The following SERINC1 variants were observed in gnomAD, a reference collection of about 807,000 sequenced individuals.
SERINC1 encodes tumor differentially expressed protein 2.
A neutral mutation model predicts 52.9 loss-of-function variants in SERINC1; 38 were observed. That is an observed-to-expected ratio of 0.72 (90% CI 0.55 to 0.94). The LOEUF is 0.94. SERINC1 is among the 40% of genes least tolerant of loss of function. The pLI is 0.00. For missense variants in SERINC1, 471 were observed against 533.9 expected, an observed-to-expected ratio of 0.88 and a Z score of 1.16; for synonymous variants, 198 against 183.1, an observed-to-expected ratio of 1.08 and a Z score of -0.66.
intron 1 of SERINC1, among the ~76,000 whole-genome samples, chr6:122,469,157 C>T (rs1775232893): frequency 6.6e-6 from 1 of 152,158 alleles, no homozygotes; most frequent in African/African-American, 2.4e-5. Context: ...CAATTTAACA[C>T]TCCAATTTCT....
chr6:122,458,787 G>A, intron 1 of SERINC1, 106 bp from the exon 2 acceptor site: 1 of 809,246 alleles, frequency 1.2e-6, no homozygotes, highest in Non-Finnish European at 1.9e-6. Flanking sequence ...AAAGAAAAAA[G>A]ACTAAAAGTA....
chr6:122,445,509 A>C (rs1774775180), intron 9 of SERINC1, among the ~76,000 whole-genome samples: 3 of 152,128 alleles, frequency 2.0e-5, no homozygotes, highest in Admixed American at 1.3e-4. Flanking sequence ...CTATTACATA[A>C]GATTGTTCAA....
At chr6:122,468,467 C>T (rs766151817) in intron 1 of SERINC1, among the ~76,000 whole-genome samples, 3 of 152,170 alleles carry the variant, frequency 2.0e-5, no homozygotes, top group Non-Finnish European at 4.4e-5. Context: ...AAAATCACTG[C>T]TATGGAAACA....
At chr6:122,450,092 T>A (rs1774878780) in intron 7 of SERINC1, among the ~76,000 whole-genome samples, 1 of 152,184 alleles carries the variant, frequency 6.6e-6, no homozygotes, top group Admixed American at 6.5e-5. Flanking sequence ...AGACTTCTAT[T>A]GTAAGAAGAT....
intron 7 of SERINC1, 44 bp from the exon 8 acceptor site, chr6:122,447,309 GA>G: frequency 6.7e-7 from 1 of 1,500,750 alleles, no homozygotes; most frequent in Non-Finnish European, 9.2e-7. Context: ...ATATTAAAAA[GA>G]TGTTTTTCAG....
intron 1 of SERINC1, among the ~76,000 whole-genome samples, chr6:122,459,226 A>G (rs1446505140): frequency 6.6e-6 from 1 of 152,254 alleles, no homozygotes; most frequent in African/African-American, 2.4e-5. Context: ...GCTTTTCTCC[A>G]GTAACCACCA....
chr6:122,464,596 C>T (rs914214580), intron 1 of SERINC1, among the ~76,000 whole-genome samples: 3 of 152,124 alleles, frequency 2.0e-5, no homozygotes, highest in African/African-American at 7.2e-5. Context: ...GAAGGAAATT[C>T]GTATACTATA....
chr6:122,447,466 G>A (rs955938188), intron 7 of SERINC1, among the ~76,000 whole-genome samples: 2 of 152,124 alleles, frequency 1.3e-5, no homozygotes, highest in African/African-American at 2.4e-5. Context: ...TGATTTTATA[G>A]AAGTACCTGG....
At position 122,444,044 on chromosome 6, in the gene SERINC1, G is replaced by T. The variant is rs1774715327; in HGVS notation, c.*1000C>A. The T allele has an allele frequency of 6.6e-6, 1 of 152,120 alleles. No homozygotes were observed. The highest frequency in any genetic ancestry group is 2.1e-4 in the South Asian group (1 of 4,826). The allele number at this position is 152,120 out of a possible 1,614,324, so 9.4% of individuals were successfully genotyped here. A position where few individuals can be genotyped will look rare whatever the true frequency, so the allele number is the denominator to read the frequency against. Reference sequence around the variant, plus strand: ...TTGTCTTACTCTGTTGCCCAGGCTAGAGTGCAGTGACGTGACCTTGGCTCA... The same window carrying T: ...TTGTCTTACTCTGTTGCCCAGGCTATAGTGCAGTGACGTGACCTTGGCTCA... On this transcript the variant is annotated 3_prime_UTR_variant, in exon 10 of 10. Transcript: ENST00000339697.
Position 122,451,782 on chromosome 6 carries a change from T to A in SERINC1, c.760-28A>T, listed in dbSNP as rs758529571. 7.7e-3 allele frequency: 1,027 copies of A among 133,872 alleles called. 8 individuals carry two copies. Among genetic ancestry groups the A allele is most frequent in the East Asian group, 0.017 (92 of 5,460 alleles). The allele number at this position is 133,872 out of a possible 1,614,324, so 8.3% of individuals were successfully genotyped here. On this transcript the variant is annotated intron_variant, in intron 6 of 9. Transcript: ENST00000339697. ...ACAAAAAAAAAAAAAAAAAAATATA[T>A]ATATATATATATAGCAACACAGGTA...
chr6:122,449,950 G>A (rs1774875866), intron 7 of SERINC1, among the ~76,000 whole-genome samples: 1 of 152,176 alleles, frequency 6.6e-6, no homozygotes, highest in African/African-American at 2.4e-5. Context: ...GGAGACAGAA[G>A]TTGCAGTGAA....
At chr6:122,457,662 T>C (rs1314033611) in intron 2 of SERINC1, among the ~76,000 whole-genome samples, 1 of 152,086 alleles carries the variant, frequency 6.6e-6, no homozygotes, top group African/African-American at 2.4e-5. Context: ...AAACCAGGAA[T>C]AAGATCCTCA....
At chr6:122,453,945 G>A in intron 4 of SERINC1, 38 bp from the exon 5 acceptor site, 1 of 1,537,186 alleles carries the variant, frequency 6.5e-7, no homozygotes, top group Non-Finnish European at 8.7e-7. Context: ...TGATTGGTTA[G>A]TTTGATTTTT....
Position 122,469,385 on chromosome 6 carries a change from T to TG in SERINC1, c.39+2313_39+2314insC, listed in dbSNP as rs1476052870. On this transcript the variant is annotated intron_variant, in intron 1 of 9. Transcript: ENST00000339697. ...TTGTTCTGTTTTTTGTTTTTGTTTT[T>TG]TTTTTTTTTGACACAGAGTCTCACT... 3.1e-3 allele frequency among the ~76,000 whole-genome samples: 465 copies of TG among 151,502 alleles called. 2 individuals are homozygous for TG. Among genetic ancestry groups the TG allele is most frequent in the African/African-American group, 0.011 (442 of 41,386 alleles).
chr6:122,460,255 G>T (rs1775078533), intron 1 of SERINC1, among the ~76,000 whole-genome samples: 1 of 152,044 alleles, frequency 6.6e-6, no homozygotes, highest in Non-Finnish European at 1.5e-5. Flanking sequence ...GTATTTTTTT[G>T]TAGTTTTAGT....
chr6:122,456,497 C>T lies in SERINC1; in HGVS notation c.355G>A (p.Ala119Thr), dbSNP rs1459046145. ...AAAACTTACCCATTGTGCACTGCAG[C>T]TCTAGGATCACTGCTACTCTTCACT... ...IKVKSSSDPR[A>T]AVHNGFWFFK... is the part of the protein sequence containing the mutation. The change falls in exon 3 of 10, where the codon GCT becomes ACT. Residue 119 changes from alanine (A) to threonine (T), a missense_variant. Physicochemically the swap from Ala to Thr is moderately conservative, Grantham distance 58. Coordinates refer to ENST00000339697, the MANE Select transcript of SERINC1 (RefSeq NM_020755.4). The T allele has an allele frequency of 3.1e-6, 5 of 1,598,872 alleles. No homozygotes were observed. In the East Asian group the frequency reaches 1.1e-4, roughly 36 times the overall value.
intron 5 of SERINC1, among the ~76,000 whole-genome samples, chr6:122,452,718 G>T (rs1211565069): frequency 6.6e-6 from 1 of 152,166 alleles, no homozygotes; most frequent in African/African-American, 2.4e-5. Flanking sequence ...TGCATTCCAG[G>T]CCCTGGGGAT....
chr6:122,466,179 C>T (rs534028651), intron 1 of SERINC1, among the ~76,000 whole-genome samples: 1 of 152,224 alleles, frequency 6.6e-6, no homozygotes, highest in South Asian at 2.1e-4. Context: ...ACTTGGGAGG[C>T]GGAAGTTTCA....
chr6:122,460,816 C>T (rs1775088614), intron 1 of SERINC1, among the ~76,000 whole-genome samples: 1 of 152,094 alleles, frequency 6.6e-6, no homozygotes, highest in African/African-American at 2.4e-5. Context: ...TGTAGTATTA[C>T]TGTTAAGTAT....
Sources: gnomAD v4.1 joint callset for allele counts (sites outside exome capture counted in the v4.1 genomes callset) on GRCh38, gnomAD v4.1.1 for gene constraint, MANE v1.5 for transcripts, NCBI Gene and HGNC (gene_info 2026-07-23, HGNC 2026-07-21) for gene names.